The following JAK1 variants were observed in gnomAD, a reference collection of about 807,000 sequenced individuals.
JAK1 encodes Janus kinase 1.
Under a neutral mutation model 136.6 loss-of-function variants are expected in JAK1, and 16 were observed. The ratio of observed to expected loss-of-function variants is 0.12; its 90% CI spans 0.08 to 0.18. The LOEUF (loss-of-function observed/expected upper bound fraction) is 0.18. Among genes scored for constraint, JAK1 ranks in the 10% least tolerant of loss-of-function variants. The pLI, the probability that JAK1 is intolerant of heterozygous loss-of-function variation, is 1.00. For synonymous variants in JAK1, 492 were observed against 519.5 expected (o/e 0.95, Z 0.72); for missense variants, 859 against 1,450.1 (o/e 0.59, Z 6.62).
At chr1:65,056,112 C>T (rs1185685423) in intron 1 of JAK1, among the ~76,000 whole-genome samples, 1 of 152,168 alleles carries the variant, frequency 6.6e-6, no homozygotes, top group Non-Finnish European at 1.5e-5. Context: ...CCCTAACTTT[C>T]CCTTCCTAAA....
intron 1 of JAK1, among the ~76,000 whole-genome samples, chr1:64,950,675 G>A (rs1242633416): frequency 6.6e-6 from 1 of 152,106 alleles, no homozygotes; most frequent in Admixed American, 6.5e-5. Flanking sequence ...ACGGTAAGGG[G>A]TGGACCCTAG....
chr1:64,875,867 A>T (rs1173596133), intron 4 of JAK1: 1 of 152,104 alleles, frequency 6.6e-6, no homozygotes, highest in Non-Finnish European at 1.5e-5. Context: ...ACTGCTCTTC[A>T]AGGGTAGAAC....
intron 2 of JAK1, among the ~76,000 whole-genome samples, chr1:65,018,466 G>C (rs1646908176): frequency 7.1e-6 from 1 of 141,220 alleles, no homozygotes; most frequent in South Asian, 2.3e-4. Context: ...TACATACAGA[G>C]AGAGAGAGAG....
intron 10 of JAK1, among the ~76,000 whole-genome samples, chr1:64,856,837 C>T (rs1341454409): frequency 1.5e-5 from 2 of 132,858 alleles, no homozygotes; most frequent in East Asian, 2.1e-4. Flanking sequence ...AGTCCAGCCC[C>T]AGGGGTTCGC....
At chr1:65,009,336 C>T (rs1436342693) in intron 2 of JAK1, among the ~76,000 whole-genome samples, 3 of 152,126 alleles carry the variant, frequency 2.0e-5, no homozygotes, top group Admixed American at 6.5e-5. Context: ...AAAAAACATT[C>T]ATGAAACTGC....
intron 1 of JAK1, among the ~76,000 whole-genome samples, chr1:64,919,895 G>C (rs1286355312): frequency 6.6e-6 from 1 of 151,906 alleles, no homozygotes; most frequent in East Asian, 1.9e-4. Context: ...GACAGAGTCG[G>C]GTTCTTGGAT....
chr1:65,024,685 G>GGA (rs1646963662), intron 2 of JAK1, among the ~76,000 whole-genome samples: 1 of 120,004 alleles, frequency 8.3e-6, no homozygotes, highest in Non-Finnish European at 1.7e-5. Flanking sequence ...AAAAAAGAAA[G>GGA]AAAAAAAAAG....
chr1:64,984,815 TA>T lies in JAK1; in HGVS notation c.-78+59664del. ...TGAAGATAATAAAAACGTAGGCTCC[TA>T]AATAGTAAGCAGCAGAAGGGAAAAG... On this transcript the variant is annotated intron_variant, in intron 2 of 25. Transcript: ENST00000671954. The surrounding 1 kb of genome is among the most constrained non-coding windows in gnomAD (Gnocchi z 4.1). The T allele has an allele frequency of 9.0e-7, 1 of 1,109,862 alleles. No homozygotes were observed. The highest frequency in any genetic ancestry group is 1.4e-6 in the Non-Finnish European group (1 of 740,448). The allele number at this position is 1,109,862 out of a possible 1,614,324, so 68.8% of individuals were successfully genotyped here.
intron 2 of JAK1, among the ~76,000 whole-genome samples, chr1:65,043,590 G>A (rs1359581058): frequency 3.9e-5 from 6 of 152,016 alleles, no homozygotes; most frequent in Non-Finnish European, 8.8e-5. Flanking sequence ...CTGGACTGGA[G>A]TGGCATAATC....
chr1:64,930,392 G>C (rs1320171579), intron 1 of JAK1, among the ~76,000 whole-genome samples: 3 of 152,066 alleles, frequency 2.0e-5, no homozygotes, highest in African/African-American at 7.2e-5. Context: ...ACAAACATAG[G>C]GGAAAAAAGC....
intron 3 of JAK1, among the ~76,000 whole-genome samples, chr1:64,882,403 A>T (rs1044802073): frequency 3.3e-5 from 5 of 152,208 alleles, no homozygotes; most frequent in Non-Finnish European, 7.3e-5. Flanking sequence ...TCATAAAACG[A>T]GTTGATAGAA....
At chr1:65,046,421 G>A (rs1647183790) in intron 1 of JAK1, among the ~76,000 whole-genome samples, 1 of 152,178 alleles carries the variant, frequency 6.6e-6, no homozygotes, top group Non-Finnish European at 1.5e-5. Context: ...TGGGACAAGA[G>A]ACACCCACTG....
At position 65,042,887 on chromosome 1, in the gene JAK1, C is replaced by G. The variant is rs74630193; in HGVS notation, c.-78+1593G>C. Reference sequence around the variant, plus strand: ...AGGCAAGCTCCGGCTTCAGTTTGTTCTGACTGATGGCCAGAGAGAGAAGTG... The same window carrying G: ...AGGCAAGCTCCGGCTTCAGTTTGTTGTGACTGATGGCCAGAGAGAGAAGTG... On this transcript the variant is annotated intron_variant, in intron 2 of 25. Transcript: ENST00000671954. 8.0e-3 allele frequency among the ~76,000 whole-genome samples: 1,220 copies of G among 152,290 alleles called. 14 individuals are homozygous for G. Among genetic ancestry groups the G allele is most frequent in the African/African-American group, 0.028 (1,151 of 41,560 alleles).
chr1:64,940,495 T>C (rs1645870416), intron 1 of JAK1, among the ~76,000 whole-genome samples: 1 of 151,992 alleles, frequency 6.6e-6, no homozygotes, highest in Non-Finnish European at 1.5e-5. Context: ...TTTTGTATTT[T>C]TAGTAGAGAT....
chr1:64,988,698 C>T (rs1453659810), intron 2 of JAK1, among the ~76,000 whole-genome samples: 2 of 151,536 alleles, frequency 1.3e-5, no homozygotes, highest in Non-Finnish European at 2.9e-5. Flanking sequence ...GCCTGGGAAA[C>T]ACAGTGAGAC....
intron 1 of JAK1, among the ~76,000 whole-genome samples, chr1:64,886,944 C>G (rs1190036105): frequency 1.3e-5 from 2 of 152,172 alleles, no homozygotes; most frequent in African/African-American, 4.8e-5. Context: ...AGTTTTCTGT[C>G]TGGCCACTCA....
rs181063377 is a variant in JAK1 at position 64,834,245 on chromosome 1, T to C, written c.*317A>G. 7.6e-4 allele frequency: 188 copies of C among 246,908 alleles called. 1 individual carries two copies. The highest frequency in any genetic ancestry group is 1.3e-3 in the Non-Finnish European group (164 of 127,302). The allele number at this position is 246,908 out of a possible 1,614,324, so 15.3% of individuals were successfully genotyped here. On this transcript the variant is annotated 3_prime_UTR_variant, in exon 25 of 25. Transcript: ENST00000342505. ...GTTTTCAAAAATCCCCTTTTGGTAA[T>C]GCAGTTGTGATGGTGAACTAGCCAG...
At chr1:64,997,267 AAGG>A (rs1388932033) in intron 2 of JAK1, among the ~76,000 whole-genome samples, 15 of 152,194 alleles carry the variant, frequency 9.9e-5, no homozygotes, top group African/African-American at 3.1e-4. Context: ...TAAAAACTAG[AAGG>A]AGGAGATGGT....
chr1:64,934,324 T>C (rs575532001), intron 1 of JAK1, among the ~76,000 whole-genome samples: 1 of 152,288 alleles, frequency 6.6e-6, no homozygotes, highest in South Asian at 2.1e-4. Context: ...TTTTTAAGGC[T>C]GTAAGAACCT....
Sources: allele counts gnomAD v4.1 joint callset (sites outside exome capture counted in the v4.1 genomes callset), GRCh38; gene constraint gnomAD v4.1.1; non-coding constraint Gnocchi (gnomAD v3.1); transcripts MANE v1.5; gene names NCBI Gene and HGNC (gene_info 2026-07-23, HGNC 2026-07-21).